MYO3B: variants seen among roughly 807,000 people sequenced by gnomAD.
The protein encoded by MYO3B is myosin IIIB, also known as myosin-IIIb.
In MYO3B, 156 loss-of-function variants were observed where a neutral mutation model predicts 174.6. The observed-to-expected ratio is 0.89, with a 90% CI of 0.78 to 1.02. MYO3B has a LOEUF of 1.02. Among genes scored for constraint, MYO3B ranks in the 50% least tolerant of loss-of-function variants. The pLI is 0.00. For missense variants in MYO3B, 1,632 were observed against 1,639.4 expected, an observed-to-expected ratio of 1.00 and a Z score of 0.08; for synonymous variants, 563 against 569.1, an observed-to-expected ratio of 0.99 and a Z score of 0.15.
chr2:170,235,487 A>G (rs1203225024), intron 6 of MYO3B, among the ~76,000 whole-genome samples: 3 of 152,298 alleles, frequency 2.0e-5, no homozygotes, highest in Admixed American at 2.0e-4. Context: ...TCTTAGAAAA[A>G]GGGAAGGGTG....
intron 7 of MYO3B, among the ~76,000 whole-genome samples, chr2:170,333,462 G>C (rs1030370710): frequency 2.6e-5 from 4 of 152,142 alleles, no homozygotes; most frequent in African/African-American, 9.7e-5. Context: ...ATAGGTTTTT[G>C]AATTATAAGA....
At position 170,515,109 on chromosome 2, in the gene MYO3B, T is replaced by C. The variant is rs111369671; in HGVS notation, c.3472+87T>C. On this transcript the variant is annotated intron_variant, in intron 29 of 34. Coordinates refer to ENST00000408978, the MANE Select transcript of MYO3B (RefSeq NM_138995.5). ...CAAAGCTGGAAGTGATCACCTCTTATATAAGAACCTTCTGTCCACCACTCC... is the reference window on the plus strand; with the variant it reads ...CAAAGCTGGAAGTGATCACCTCTTACATAAGAACCTTCTGTCCACCACTCC... 6.6e-4 allele frequency: 723 copies of C among 1,089,758 alleles called. 1 individual carries two copies. In the African/African-American group the frequency reaches 9.7e-3, roughly 15 times the overall value. The allele number at this position is 1,089,758 out of a possible 1,614,324, so 67.5% of individuals were successfully genotyped here.
chr2:170,476,364 G>A (rs1685322138), intron 25 of MYO3B, among the ~76,000 whole-genome samples: 2 of 152,214 alleles, frequency 1.3e-5, no homozygotes, highest in African/African-American at 4.8e-5. Context: ...TAGTGGGCCA[G>A]TGTGATAGCT....
chr2:170,308,292 C>G (rs2093714346), intron 7 of MYO3B, among the ~76,000 whole-genome samples: 1 of 152,160 alleles, frequency 6.6e-6, no homozygotes, highest in Non-Finnish European at 1.5e-5. Flanking sequence ...TTGGAGGCCT[C>G]TCTGGCATAC....
In MYO3B at chr2:170,335,370, C is replaced by T; in HGVS notation, c.750-15C>T. On this transcript the variant is annotated splice_polypyrimidine_tract_variant and intron_variant, in intron 7 of 34. Transcript: ENST00000408978. ...ATTCTTCTTTCTTAAGAAAAAATTG[C>T]TGTTATTTTTTCAGAAATCCTCCAC... The T allele has an allele frequency of 6.3e-7, 1 of 1,593,976 alleles. No homozygotes were observed. The highest frequency in any genetic ancestry group is 8.6e-7 in the Non-Finnish European group (1 of 1,168,040).
intron 1 of MYO3B, 125 bp downstream of exon 1, chr2:170,178,414 T>C: frequency 1.6e-6 from 2 of 1,229,208 alleles, no homozygotes; most frequent in East Asian, 2.3e-5. Context: ...ACTCTGGCTT[T>C]GGGCCTCTGT....
At chr2:170,406,256 T>C (rs907417646) in intron 21 of MYO3B, among the ~76,000 whole-genome samples, 35 of 152,210 alleles carry the variant, frequency 2.3e-4, no homozygotes, top group African/African-American at 8.0e-4. Context: ...ATTTGAATTA[T>C]GGCTGATTGG....
intron 7 of MYO3B, among the ~76,000 whole-genome samples, chr2:170,306,427 G>A (rs1044452830): frequency 6.6e-6 from 1 of 152,160 alleles, no homozygotes; most frequent in Non-Finnish European, 1.5e-5. Flanking sequence ...AGAACCTAAA[G>A]TCAGACCATG....
At chr2:170,194,684 G>C (rs987692502) in intron 1 of MYO3B, among the ~76,000 whole-genome samples, 3 of 152,080 alleles carry the variant, frequency 2.0e-5, no homozygotes, top group Non-Finnish European at 4.4e-5. Context: ...AGAACTAATA[G>C]GATATACGTA....
In MYO3B at chr2:170,302,133, A is replaced by G. The variant is rs557376875; in HGVS notation, c.750-33252A>G. Among the ~76,000 whole-genome samples, 5 of 152,266 alleles carry G rather than the reference A, an allele frequency of 3.3e-5. No individual in the cohort carries two copies. In the South Asian group the frequency reaches 8.3e-4, roughly 25 times the overall value. On this transcript the variant is annotated intron_variant, in intron 7 of 34. Transcript: ENST00000408978. ...AGTTCTTAAAAACCATAATGCTGCC[A>G]TAGAGAATGAGGTCTGCATGACTTC...
intron 1 of MYO3B, 39 bp downstream of exon 1, chr2:170,178,328 C>T: frequency 1.2e-6 from 2 of 1,613,868 alleles, no homozygotes; most frequent in Non-Finnish European, 1.7e-6. Flanking sequence ...TTCTTCTGTG[C>T]TTGCTTTAGA....
intron 32 of MYO3B, among the ~76,000 whole-genome samples, chr2:170,592,355 T>A (rs1693870135): frequency 1.3e-5 from 2 of 152,054 alleles, no homozygotes; most frequent in African/African-American, 2.4e-5. Context: ...AAGTTTCTCT[T>A]TAATAAGACC....
chr2:170,575,306 A>G (rs974197740), intron 32 of MYO3B, among the ~76,000 whole-genome samples: 5 of 152,102 alleles, frequency 3.3e-5, no homozygotes, highest in Admixed American at 6.6e-5. Flanking sequence ...ATATATTCCC[A>G]TATGTTTATA....
intron 7 of MYO3B, among the ~76,000 whole-genome samples, chr2:170,329,016 A>G (rs1380599922): frequency 6.6e-6 from 1 of 151,960 alleles, no homozygotes; most frequent in Non-Finnish European, 1.5e-5. Context: ...GCCGGGCATG[A>G]TGGCAGGTGT....
intron 25 of MYO3B, among the ~76,000 whole-genome samples, chr2:170,483,455 C>T (rs531920375): frequency 1.8e-5 from 2 of 108,764 alleles, no homozygotes; most frequent in Non-Finnish European, 3.2e-5. Flanking sequence ...GGCGCGATCT[C>T]GGCTCACTGC....
At chr2:170,626,541 A>T (rs1169071015) in intron 32 of MYO3B, among the ~76,000 whole-genome samples, 1 of 152,180 alleles carries the variant, frequency 6.6e-6, no homozygotes, top group East Asian at 1.9e-4. Flanking sequence ...CATTTAGCCC[A>T]TTTACATTTA....
At chr2:170,613,727 C>T (rs1186179073) in intron 32 of MYO3B, among the ~76,000 whole-genome samples, 3 of 152,132 alleles carry the variant, frequency 2.0e-5, no homozygotes. Flanking sequence ...AATCAGCTGC[C>T]AGTGTGGCTA....
At chr2:170,199,185 T>C in intron 1 of MYO3B, 23 bp from the exon 2 acceptor site, 1 of 1,559,606 alleles carries the variant, frequency 6.4e-7, no homozygotes, top group Non-Finnish European at 8.7e-7. Context: ...CTGTTGCACA[T>C]AACAAATTTT....
At chr2:170,524,292 A>G (rs1688864687) in intron 30 of MYO3B, among the ~76,000 whole-genome samples, 1 of 152,104 alleles carries the variant, frequency 6.6e-6, no homozygotes, top group Admixed American at 6.5e-5. Flanking sequence ...TATCTCAGAG[A>G]CCAGTGCTGG....
Sources: gnomAD v4.1 joint callset for allele counts (sites outside exome capture counted in the v4.1 genomes callset) on GRCh38, gnomAD v4.1.1 for gene constraint, MANE v1.5 for transcripts, NCBI Gene and HGNC (gene_info 2026-07-23, HGNC 2026-07-21) for gene names.